Variants in DELE1 observed in about 807,000 individuals in gnomAD.
DELE1 encodes the protein DAP3 binding cell death enhancer 1.
A neutral mutation model predicts 59.3 loss-of-function variants in DELE1; 54 were observed. The ratio of observed to expected loss-of-function variants is 0.91; its 90% CI spans 0.73 to 1.14. DELE1 has a LOEUF of 1.14. Among genes scored for constraint, DELE1 ranks in the 50% most tolerant of loss-of-function variants. DELE1 has a pLI of 0.00. For synonymous variants in DELE1, 264 were observed against 259.1 expected (o/e 1.02, Z -0.18); for missense variants, 636 against 643.9 (o/e 0.99, Z 0.13).
At chr5:141,928,021 T>G (rs1261926255) in intron 3 of DELE1, 130 bp from the exon 4 acceptor site, 9 of 908,894 alleles carry the variant, frequency 9.9e-6, no homozygotes, top group Non-Finnish European at 1.2e-5. Flanking sequence ...GAAGTTAGGG[T>G]GTTGTGAAAG....
chr5:141,935,464 A>G (rs1407560807), intron 10 of DELE1, among the ~76,000 whole-genome samples: 1 of 152,230 alleles, frequency 6.6e-6, no homozygotes, highest in Non-Finnish European at 1.5e-5. Flanking sequence ...TAAATCAAGC[A>G]ATATATGCGT....
intron 8 of DELE1, 30 bp from the exon 9 acceptor site, chr5:141,934,210 G>A (rs372992601): frequency 1.9e-6 from 3 of 1,569,670 alleles, no homozygotes; most frequent in Non-Finnish European, 2.6e-6. Context: ...AGAGTTGCCA[G>A]CCGACTGGGT....
chr5:141,927,579 C>T (rs1184096724), intron 3 of DELE1, among the ~76,000 whole-genome samples: 1 of 152,148 alleles, frequency 6.6e-6, no homozygotes, highest in East Asian at 1.9e-4. Context: ...TAGCTCAGGT[C>T]TTCTGCAGAC....
chr5:141,934,331 C>G lies in DELE1; in HGVS notation c.989C>G (p.Ser330Trp). ...TGCCTACTACGAGACCCAGCCTCTT[C>G]GTGGAACCCTGAGCGGCAGAGGGCA... Reference protein sequence around the residue: ...ARCLLRDPASSWNPERQRAVS... With the variant: ...ARCLLRDPASWWNPERQRAVS... Residue 330 changes from serine to tryptophan, a missense_variant, in exon 9 of 12, where the codon TCG (serine) becomes TGG (tryptophan). Physicochemically the swap from Ser to Trp is radical, Grantham distance 177. Transcript: ENST00000432126. The G allele has an allele frequency of 6.2e-7, 1 of 1,614,200 alleles. No individual in the cohort carries two copies. The highest frequency in any genetic ancestry group is 1.7e-5 in the Admixed American group (1 of 60,026).
chr5:141,938,166 C>T (rs926324807), intron 11 of DELE1, among the ~76,000 whole-genome samples: 3 of 152,106 alleles, frequency 2.0e-5, no homozygotes, highest in African/African-American at 7.2e-5. Context: ...AACTTGGACT[C>T]CATGGCTTAG....
At chr5:141,938,140 A>AC (rs1450212832) in intron 11 of DELE1, among the ~76,000 whole-genome samples, 1 of 151,970 alleles carries the variant, frequency 6.6e-6, no homozygotes, top group East Asian at 1.9e-4. Flanking sequence ...CTGAGTTTTA[A>AC]CCCCCACTAT....
chr5:141,940,496 C>G lies in DELE1; in HGVS notation c.*1737C>G, dbSNP rs1331381157. 1 of 985,274 alleles carries G rather than the reference C, an allele frequency of 1.0e-6. No individual in the cohort carries two copies. Among genetic ancestry groups the G allele is most frequent in the East Asian group, 1.1e-4 (1 of 8,814 alleles). 61.0% of individuals were successfully genotyped at this position (985,274 alleles called of 1,614,324 possible). The stretch of plus-strand genomic sequence containing the variant: ...CCAACCAGCCTGGCCAATTCAAAGG[C>G]AAGAAGATTTGAGGGGGGAAAGTTG... On this transcript the variant is annotated 3_prime_UTR_variant, in exon 12 of 12. Coordinates refer to ENST00000432126, the MANE Select transcript of DELE1 (RefSeq NM_014773.5).
intron 3 of DELE1, 41 bp from the exon 4 acceptor site, chr5:141,928,110 A>G (rs1561509740): frequency 1.3e-6 from 2 of 1,585,692 alleles, no homozygotes. Flanking sequence ...GATGGAGTTG[A>G]TTGGTGAAGG....
chr5:141,929,636 G>A lies in DELE1; in HGVS notation c.467G>A (p.Gly156Asp). 6.2e-7 allele frequency: 1 copy of A among 1,614,182 alleles called. No homozygotes were observed. The highest frequency in any genetic ancestry group is 2.2e-5 in the East Asian group (1 of 44,874). Residue 156 changes from glycine to aspartate, a missense_variant, in exon 5 of 12, where the codon GGC becomes GAC. Coordinates refer to ENST00000432126, the MANE Select transcript of DELE1 (RefSeq NM_014773.5). ...SPDGPAPRHT[G>D]LREPRLGQEE... ...GATGGCCCAGCTCCCAGGCACACTG[G>A]CCTCAGGGAACCCAGGCTTGGCCAG...
chr5:141,934,810 A>G (rs1752231261), intron 10 of DELE1: 2 of 562,346 alleles, frequency 3.6e-6, no homozygotes, highest in East Asian at 5.9e-5. Flanking sequence ...GCAGCTTAAA[A>G]TCTGCTATGG....
intron 11 of DELE1, among the ~76,000 whole-genome samples, chr5:141,937,829 T>C (rs1261625421): frequency 6.6e-6 from 1 of 150,768 alleles, no homozygotes; most frequent in African/African-American, 2.4e-5. Flanking sequence ...CTGAGTTTTT[T>C]TTGTTTTTTT....
rs184596555 is a variant in DELE1 at position 141,924,879 on chromosome 5, C to T, written c.146+184C>T. ...CAAGCAGTTCTCTGCCTCAGCCTCCCGAGTAGCTGGGATTACAGGCACCCG... is the reference window on the plus strand; with the variant it reads ...CAAGCAGTTCTCTGCCTCAGCCTCCTGAGTAGCTGGGATTACAGGCACCCG... On this transcript the variant is annotated intron_variant, in intron 2 of 11. Transcript: ENST00000432126. 7.2e-3 allele frequency among the ~76,000 whole-genome samples: 1,101 copies of T among 151,904 alleles called. 7 individuals are homozygous for T. Among genetic ancestry groups the T allele is most frequent in the Non-Finnish European group, 0.011 (749 of 67,956 alleles).
At chr5:141,934,880 C>G (rs948451080) in intron 10 of DELE1, 5 of 411,552 alleles carry the variant, frequency 1.2e-5, no homozygotes, top group African/African-American at 1.0e-4. Flanking sequence ...TTTCCCTCCT[C>G]GAGAGCCAGT....
chr5:141,931,985 A>G (rs748236146), intron 7 of DELE1, among the ~76,000 whole-genome samples: 4 of 152,146 alleles, frequency 2.6e-5, no homozygotes, highest in Non-Finnish European at 5.9e-5. Context: ...AGGCAAAATT[A>G]TTTCTTCTAC....
At chr5:141,930,147 C>T in intron 6 of DELE1, 31 bp from the exon 7 acceptor site, 2 of 1,607,278 alleles carry the variant, frequency 1.2e-6, no homozygotes, top group Non-Finnish European at 1.7e-6. Flanking sequence ...GTAAACCATC[C>T]CTTGGTGAGT....
chr5:141,925,618 G>A, intron 3 of DELE1, 91 bp downstream of exon 3: 1 of 682,680 alleles, frequency 1.5e-6, no homozygotes, highest in South Asian at 2.5e-5. Context: ...AAGGGCTAGG[G>A]AATCACTGTG....
In DELE1 at chr5:141,937,200, C is replaced by G. The variant is rs1190631095; in HGVS notation, c.1152C>G (p.Asp384Glu). 25 of 1,614,170 alleles carry G rather than the reference C, an allele frequency of 1.5e-5. No individual in the cohort carries two copies. The highest frequency in any genetic ancestry group is 2.0e-5 in the Non-Finnish European group (24 of 1,180,018). Residue 384 changes from aspartate to glutamate, a missense_variant and splice_region_variant, in exon 11 of 12, where the codon GAC becomes GAG. Asp to Glu is a conservative substitution (Grantham distance 45, BLOSUM62 2). Coordinates refer to ENST00000432126, the MANE Select transcript of DELE1 (RefSeq NM_014773.5). The part of the protein sequence containing the change: ...KYLWLAANNG[D>E]SQSRYHLGIC... ...TTGTCTGTCCATTTTCTCCTTAGGA[C>G]TCACAGAGCAGGTACCACCTTGGAA...
chr5:141,936,623 C>T (rs570906289), intron 10 of DELE1, among the ~76,000 whole-genome samples: 7 of 152,150 alleles, frequency 4.6e-5, no homozygotes, highest in Admixed American at 1.3e-4. Context: ...TTTTTAGAGA[C>T]GGGGTTTCAC....
rs1385241656 is a variant in DELE1, at chr5:141,929,492, C to T, written c.413-90C>T. On this transcript the variant is annotated intron_variant, in intron 4 of 11. Coordinates refer to ENST00000432126, the MANE Select transcript of DELE1 (RefSeq NM_014773.5). ...CTTGAACTCCTGACCTCAGGTGATC[C>T]ACCCGCCTCGGCCTCCCAAGGTGCT... The T allele has an allele frequency of 1.6e-5, 22 of 1,400,990 alleles. No homozygotes were observed. In the African/African-American group the frequency reaches 3.1e-4, roughly 20 times the overall value. 86.8% of individuals were successfully genotyped at this position (1,400,990 alleles called of 1,614,324 possible).
Sources: allele counts gnomAD v4.1 joint callset (sites outside exome capture counted in the v4.1 genomes callset), GRCh38; gene constraint gnomAD v4.1.1; transcripts MANE v1.5; gene names NCBI Gene and HGNC (gene_info 2026-07-23, HGNC 2026-07-21).